The following PITPNM3 variants were observed in gnomAD, a reference collection of about 807,000 sequenced individuals.
PITPNM3 encodes PITPNM family member 3, also known as membrane-associated phosphatidylinositol transfer protein 3.
PITPNM3 carries 26 observed loss-of-function variants against 102.0 expected under a neutral mutation model. The observed-to-expected ratio is 0.25, with a 90% CI of 0.19 to 0.35. The LOEUF is 0.35. Among genes scored for constraint, PITPNM3 ranks in the 10% least tolerant of loss-of-function variants. PITPNM3 has a pLI of 1.00. For missense variants in PITPNM3, 1,083 were observed against 1,346.1 expected (o/e 0.80, Z 3.06); for synonymous variants, 578 against 558.6 (o/e 1.03, Z -0.49).
At position 6,454,260 on chromosome 17, in the gene PITPNM3, T is replaced by C. The variant is rs533176548; in HGVS notation, c.*1078A>G. 3 of 152,172 alleles carry C rather than the reference T, an allele frequency of 2.0e-5. No individual in the cohort carries two copies. The highest frequency in any genetic ancestry group is 6.5e-5 in the Admixed American group (1 of 15,288). 9.4% of individuals were successfully genotyped at this position (152,172 alleles called of 1,614,324 possible). A position where few individuals can be genotyped will look rare whatever the true frequency, so the allele number is the denominator to read the frequency against. On this transcript the variant is annotated 3_prime_UTR_variant, in exon 20 of 20. Transcript: ENST00000262483. ...CCCTAGGACACCCAGTTTGAGTGGGTTGTCCCTGGGACACGCAGTGCAAGG... is the reference window on the plus strand; with the variant it reads ...CCCTAGGACACCCAGTTTGAGTGGGCTGTCCCTGGGACACGCAGTGCAAGG...
At chr17:6,534,229 A>G (rs2150659090) in intron 2 of PITPNM3, among the ~76,000 whole-genome samples, 1 of 152,218 alleles carries the variant, frequency 6.6e-6, no homozygotes, top group South Asian at 2.1e-4. Flanking sequence ...CCTGGACCCC[A>G]TAGCCCACCC....
intron 6 of PITPNM3, among the ~76,000 whole-genome samples, chr17:6,482,158 G>A (rs1355544341): frequency 6.6e-6 from 1 of 151,626 alleles, no homozygotes; most frequent in African/African-American, 2.4e-5. Flanking sequence ...TTTAGGTCAT[G>A]AGACCCTCAT....
rs950271298 is a variant in PITPNM3, at chr17:6,503,568, C to T, written c.233G>A (p.Gly78Glu). The change falls in exon 4 of 20, where the codon GGG becomes GAG. Residue 78 changes from glycine (G) to glutamate (E), a missense_variant. Around this residue, in one of 5 missense-constraint regions of PITPNM3, gnomAD observed 290 missense variants for 337.8 expected, o/e 0.86. Transcript: ENST00000262483. ...MGKLDEHQGE[G>E]TAPCTSSILQ... ...GATGCTGGATGTGCACGGCGCGGTC[C>T]CTTCTCCTGCAGAAAAAGAAAAGAA... The T allele has an allele frequency of 1.2e-6, 2 of 1,610,184 alleles. No individual in the cohort carries two copies. The highest frequency in any genetic ancestry group is 1.7e-6 in the Non-Finnish European group (2 of 1,179,996).
chr17:6,541,163 C>T (rs1332326716), intron 1 of PITPNM3, among the ~76,000 whole-genome samples: 2 of 152,054 alleles, frequency 1.3e-5, no homozygotes, highest in African/African-American at 2.4e-5. Flanking sequence ...CAACAAAGGT[C>T]GTATTTCCAA....
rs905454986 is a variant in PITPNM3, at chr17:6,478,818, G to A, written c.588-82C>T. ...GGGGCTGAGGATCAGGCAGAAGAGA[G>A]CACATACTGGCCAGGAATTGGGCTC... On this transcript the variant is annotated intron_variant, in intron 6 of 19. Coordinates refer to ENST00000262483, the MANE Select transcript of PITPNM3 (RefSeq NM_031220.4). This position sits in a 1 kb window ranked among gnomAD's most constrained non-coding sequence, Gnocchi z 4.4. 1 of 1,373,672 alleles carries A rather than the reference G, an allele frequency of 7.3e-7. No homozygotes were observed. The highest frequency in any genetic ancestry group is 9.8e-7 in the Non-Finnish European group (1 of 1,020,772). The allele number at this position is 1,373,672 out of a possible 1,614,324, so 85.1% of individuals were successfully genotyped here.
chr17:6,501,933 A>G (rs16955901), intron 4 of PITPNM3, among the ~76,000 whole-genome samples: 52,768 of 152,050 alleles, frequency 0.35, 9,432 homozygotes, highest in African/African-American at 0.44. Context: ...CTCTACACTA[A>G]AGACCCACAG....
Position 6,489,509 on chromosome 17 carries a change from C to CACCAGCCCAGGTT in PITPNM3, c.275-5218_275-5217insAACCTGGGCTGGT, listed in dbSNP as rs1285002834. On this transcript the variant is annotated intron_variant, in intron 4 of 19. Coordinates refer to ENST00000262483, the MANE Select transcript of PITPNM3 (RefSeq NM_031220.4). The stretch of plus-strand genomic sequence containing the variant: ...TTTTTTTGCCTAAACCGGCCCAGGT[C>CACCAGCCCAGGTT]ACCAGGCCAGGGCTCTTCATCATCC... Among the ~76,000 whole-genome samples the CACCAGCCCAGGTT allele has an allele frequency of 4.0e-5, 6 of 150,870 alleles. No homozygotes were observed. The South Asian group carries it at 6.3e-4, about 16-fold the overall frequency.
At chr17:6,542,250 CT>C (rs1909769911) in intron 1 of PITPNM3, among the ~76,000 whole-genome samples, 2 of 152,178 alleles carry the variant, frequency 1.3e-5, no homozygotes, top group South Asian at 4.1e-4. Context: ...ATCCTTGTGT[CT>C]GTGGGAAAAA....
At chr17:6,500,242 G>C (rs767947269) in intron 4 of PITPNM3, among the ~76,000 whole-genome samples, 1 of 152,148 alleles carries the variant, frequency 6.6e-6, no homozygotes, top group African/African-American at 2.4e-5. Flanking sequence ...TTTGTTTTTA[G>C]TGAGTTTTCA....
At chr17:6,510,983 G>T (rs1907835569) in intron 3 of PITPNM3, among the ~76,000 whole-genome samples, 1 of 152,224 alleles carries the variant, frequency 6.6e-6, no homozygotes, top group African/African-American at 2.4e-5. Flanking sequence ...TGGAAGAGGA[G>T]GGGAGGGATG....
intron 4 of PITPNM3, among the ~76,000 whole-genome samples, chr17:6,498,470 C>G (rs1411938267): frequency 1.3e-5 from 2 of 152,204 alleles, no homozygotes; most frequent in African/African-American, 4.8e-5. Context: ...TGAGAACCAG[C>G]CTTTCCTCCT....
chr17:6,474,333 T>A (rs1905196512), intron 10 of PITPNM3, 99 bp downstream of exon 10: 7 of 1,432,746 alleles, frequency 4.9e-6, no homozygotes, highest in Non-Finnish European at 6.7e-6. Flanking sequence ...TGACCCTCCC[T>A]GCCCCTGTCC....
intron 4 of PITPNM3, among the ~76,000 whole-genome samples, chr17:6,499,008 GGGA>G (rs1486208145): frequency 1.3e-5 from 2 of 152,082 alleles, no homozygotes; most frequent in Non-Finnish European, 2.9e-5. Context: ...AGAACCAGGA[GGGA>G]CTCCATGAAC....
At chr17:6,484,906 T>G (rs951237516) in intron 4 of PITPNM3, among the ~76,000 whole-genome samples, 3 of 152,154 alleles carry the variant, frequency 2.0e-5, no homozygotes, top group Non-Finnish European at 4.4e-5. Flanking sequence ...GATTCACTCT[T>G]CTCAAGCTCA....
chr17:6,523,468 C>G (rs114845360), intron 3 of PITPNM3, among the ~76,000 whole-genome samples: 1 of 152,178 alleles, frequency 6.6e-6, no homozygotes, highest in Admixed American at 6.5e-5. Flanking sequence ...TGTGCTTCCT[C>G]GTCCCCTGCC....
chr17:6,553,953 A>G (rs1910457448), intron 1 of PITPNM3, among the ~76,000 whole-genome samples: 1 of 152,140 alleles, frequency 6.6e-6, no homozygotes, highest in South Asian at 2.1e-4. Flanking sequence ...GATGTTGCCA[A>G]TGAGGAATAT....
chr17:6,496,723 T>C (rs1906848077), intron 4 of PITPNM3, among the ~76,000 whole-genome samples: 1 of 152,196 alleles, frequency 6.6e-6, no homozygotes, highest in African/African-American at 2.4e-5. Flanking sequence ...AAGGTGCTCA[T>C]TAAATATTTT....
At position 6,470,092 on chromosome 17, in the gene PITPNM3, G is replaced by C. The variant is rs1020544141; in HGVS notation, c.1773+168C>G. 2.0e-5 allele frequency among the ~76,000 whole-genome samples: 3 copies of C among 152,192 alleles called. No individual in the cohort carries two copies. The highest frequency in any genetic ancestry group is 4.4e-5 in the Non-Finnish European group (3 of 68,036). Reference sequence around the variant, plus strand: ...ATGTCTTTATGAAGCCCATTCTCTGGTCATGTCACTCCCCACTCACGTAGG... The same window carrying C: ...ATGTCTTTATGAAGCCCATTCTCTGCTCATGTCACTCCCCACTCACGTAGG... On this transcript the variant is annotated intron_variant, in intron 13 of 19. Transcript: ENST00000262483. The surrounding 1 kb of genome is among the most constrained non-coding windows in gnomAD (Gnocchi z 4.8).
Position 6,538,070 on chromosome 17 carries a change from G to A in PITPNM3, c.35C>T (p.Pro12Leu), listed in dbSNP as rs754290443. Residue 12 changes from proline to leucine, a missense_variant, in exon 2 of 20, where the codon CCG becomes CTG. Pro to Leu is a moderately conservative substitution (Grantham distance 98). This residue lies in a region of PITPNM3 where 290 missense variants were observed against 337.8 expected (regional missense o/e 0.86). Transcript: ENST00000262483. ...AAGGTGCCAGGGGGCACCGCCGCCC[G>A]GGGGAGGACCACCTGTTAAAGGGAA... ...AKAGRAGGPP[P>L]GGGAPWHLRN... 2.6e-5 allele frequency: 42 copies of A among 1,610,500 alleles called. No homozygotes were observed. The East Asian group carries it at 2.7e-4, about 10-fold the overall frequency.
Sources: gnomAD v4.1 joint callset for allele counts (sites outside exome capture counted in the v4.1 genomes callset) on GRCh38, gnomAD v4.1.1 for gene constraint, gnomAD v4.1.1 regional missense constraint, Gnocchi (gnomAD v3.1) non-coding constraint, MANE v1.5 for transcripts, NCBI Gene and HGNC (gene_info 2026-07-23, HGNC 2026-07-21) for gene names.